The following HCRTR1 variants were observed in gnomAD, a reference collection of about 807,000 sequenced individuals.
HCRTR1 encodes orexin/Hypocretin receptor type 1.
In HCRTR1, 28 loss-of-function variants were observed where a neutral mutation model predicts 40.6. The ratio of observed to expected loss-of-function variants is 0.69; its 90% confidence interval spans 0.51 to 0.95. HCRTR1 has a LOEUF of 0.95. Among genes scored for constraint, HCRTR1 ranks in the 40% least tolerant of loss-of-function variants. The pLI is 0.00. For missense variants in HCRTR1, 482 were observed against 564.7 expected (o/e 0.85, Z 1.48); for synonymous variants, 209 against 230.0 (o/e 0.91, Z 0.83).
downstream of HCRTR1, among the ~76,000 whole-genome samples, chr1:31,633,920 A>C (rs1314520541): frequency 6.6e-6 from 1 of 151,074 alleles, no homozygotes; most frequent in Non-Finnish European, 1.5e-5. Context: ...ACGCCATTGC[A>C]CTCCAGCCTG....
At chr1:31,628,379 G>C (rs575899119), downstream of HCRTR1, among the ~76,000 whole-genome samples, 4 of 152,320 alleles carry the variant, frequency 2.6e-5, no homozygotes, top group African/African-American at 7.2e-5. Context: ...CTGTGGACGG[G>C]GCAGAGCTCT....
intron 5 of HCRTR1, 28 bp from the exon 6 acceptor site, chr1:31,621,449 C>A: frequency 6.5e-7 from 1 of 1,527,520 alleles, no homozygotes; most frequent in Non-Finnish European, 9.1e-7. Context: ...CGGATTGGGC[C>A]TGACTCTGCA....
chr1:31,626,689 C>CCAA lies in HCRTR1; in HGVS notation c.1088-101_1088-100insCAA. The CCAA allele has an allele frequency of 7.2e-7, 1 of 1,389,268 alleles. No homozygotes were observed. Among genetic ancestry groups the CCAA allele is most frequent in the Admixed American group, 2.2e-5 (1 of 44,776 alleles). 86.1% of individuals were successfully genotyped at this position (1,389,268 alleles called of 1,614,324 possible). On this transcript the variant is annotated intron_variant, in intron 8 of 8. Coordinates refer to ENST00000403528, the MANE Select transcript of HCRTR1 (RefSeq NM_001525.3). The surrounding 1 kb of genome is among the most constrained non-coding windows in gnomAD (Gnocchi z 4.6). ...ATCCCTCCCTCCCTCCCCGCCCCCT[C>CCAA]ATAGGCAGCTTGGCTGGAGCTGCGT...
At chr1:31,618,254 G>C (rs971695702) in intron 1 of HCRTR1, 1 of 152,282 alleles carries the variant, frequency 6.6e-6, no homozygotes, top group Admixed American at 6.5e-5. Context: ...GGAGGGGCGG[G>C]GAGCTGGGCT....
rs1268579117 is a variant in HCRTR1 at position 31,623,186 on chromosome 1, C to T, written c.739-337C>T. Reference sequence around the variant, plus strand: ...TCTACTAAAAATACAAAACTTAGCCCGGTGTGGTGGCGCACACCTGTAATC... The same window carrying T: ...TCTACTAAAAATACAAAACTTAGCCTGGTGTGGTGGCGCACACCTGTAATC... On this transcript the variant is annotated intron_variant, in intron 6 of 8. Transcript: ENST00000403528. 4.0e-5 allele frequency among the ~76,000 whole-genome samples: 6 copies of T among 151,226 alleles called. No homozygotes were observed. In the South Asian group the frequency reaches 1.3e-3, roughly 32 times the overall value.
chr1:31,628,634 T>G (rs560499290), downstream of HCRTR1, among the ~76,000 whole-genome samples: 1 of 152,362 alleles, frequency 6.6e-6, no homozygotes, highest in South Asian at 2.1e-4. Flanking sequence ...CAGCAGACAC[T>G]TGGTTCAGTG....
At chr1:31,630,866 C>T (rs1353747187), downstream of HCRTR1, 1 of 1,570,076 alleles carries the variant, frequency 6.4e-7, no homozygotes, top group South Asian at 1.1e-5. Flanking sequence ...GCACACAGAC[C>T]AGACACACAA....
chr1:31,629,587 A>C (rs1173574644), downstream of HCRTR1, among the ~76,000 whole-genome samples: 1 of 152,206 alleles, frequency 6.6e-6, no homozygotes, highest in Non-Finnish European at 1.5e-5. Flanking sequence ...ATGAAGTTTG[A>C]GGTAGCTGCT....
At chr1:31,621,252 TG>T (rs1158617300) in intron 5 of HCRTR1, among the ~76,000 whole-genome samples, 166 bp downstream of exon 5, 1 of 152,120 alleles carries the variant, frequency 6.6e-6, no homozygotes, top group East Asian at 1.9e-4. Context: ...ACTCCCAGGG[TG>T]GGTGCCTCCC....
Position 31,619,119 on chromosome 1 carries a change from A to C in HCRTR1, c.-74A>C. ...CAGGCACCCTGAAGGGAGTGGGCTG[A>C]GGGCTGGCCCAAGCTCCCTCCTCTC... On this transcript the variant is annotated 5_prime_UTR_variant, in exon 3 of 9. Coordinates refer to ENST00000403528, the MANE Select transcript of HCRTR1 (RefSeq NM_001525.3). The C allele has an allele frequency of 7.4e-7, 1 of 1,354,320 alleles. No individual in the cohort carries two copies. Among genetic ancestry groups the C allele is most frequent in the Admixed American group, 2.0e-5 (1 of 51,190 alleles). 83.9% of individuals were successfully genotyped at this position (1,354,320 alleles called of 1,614,324 possible). A position where few individuals can be genotyped will look rare whatever the true frequency, so the allele number is the denominator to read the frequency against.
At chr1:31,621,207 C>A in intron 5 of HCRTR1, 121 bp downstream of exon 5, 1 of 1,344,346 alleles carries the variant, frequency 7.4e-7, no homozygotes, top group Non-Finnish European at 1.0e-6. Flanking sequence ...AGGTATTTCC[C>A]TAGGGGACAC....
Position 31,623,620 on chromosome 1 carries a change from G to A in HCRTR1, c.836G>A (p.Arg279Gln), listed in dbSNP as rs7516785. 4.0e-3 allele frequency: 6,519 copies of A among 1,613,850 alleles called. 231 individuals carry two copies. The African/African-American group carries it at 0.076, about 19-fold the overall frequency. ...GGCCTGAGTGGAGAGCCCCAGCCCC[G>A]GGCCCGCGCCTTCCTGGCTGAAGTG... ...EQGLSGEPQP[R>Q]ARAFLAEVKQ... The change falls in exon 7 of 9, where the codon CGG (arginine) becomes CAG (glutamine). Residue 279 changes from arginine to glutamine, a missense_variant. Coordinates refer to ENST00000403528, the MANE Select transcript of HCRTR1 (RefSeq NM_001525.3).
Position 31,627,177 on chromosome 1 carries a change from A to G in HCRTR1, c.*197A>G, listed in dbSNP as rs1230272643. On this transcript the variant is annotated 3_prime_UTR_variant, in exon 9 of 9. Transcript: ENST00000403528. ...GGATTAAGCATGCTGAAGCAAGTGG[A>G]AAGCTCCTTGTAAACTGTGAAGTGT... The G allele has an allele frequency of 2.1e-6, 3 of 1,454,000 alleles. No homozygotes were observed. The highest frequency in any genetic ancestry group is 1.4e-5 in the South Asian group (1 of 73,610). 90.1% of individuals were successfully genotyped at this position (1,454,000 alleles called of 1,614,324 possible).
chr1:31,623,445 T>C, intron 6 of HCRTR1, 78 bp from the exon 7 acceptor site: 1 of 1,271,840 alleles, frequency 7.9e-7, no homozygotes, highest in Non-Finnish European at 1.1e-6. Flanking sequence ...GGGTCCAGCC[T>C]GGAGTAGGCC....
chr1:31,633,059 A>G, downstream of HCRTR1: 1 of 1,379,832 alleles, frequency 7.2e-7, no homozygotes, highest in Non-Finnish European at 9.9e-7. Context: ...CTGGTCAATG[A>G]ATTTCTCTTC....
chr1:31,627,932 T>C (rs192467703), downstream of HCRTR1, among the ~76,000 whole-genome samples: 1 of 152,354 alleles, frequency 6.6e-6, no homozygotes, highest in East Asian at 1.9e-4. Flanking sequence ...TTTACTGTTA[T>C]CTTCATCTTC....
rs1216784148 is a variant in HCRTR1, at chr1:31,626,698, C to G, written c.1088-92C>G. 6 of 1,444,120 alleles carry G rather than the reference C, an allele frequency of 4.2e-6. No homozygotes were observed. The highest frequency in any genetic ancestry group is 5.6e-6 in the Non-Finnish European group (6 of 1,078,348). 89.5% of individuals were successfully genotyped at this position (1,444,120 alleles called of 1,614,324 possible). A position where few individuals can be genotyped will look rare whatever the true frequency, so the allele number is the denominator to read the frequency against. ...TCCCTCCCCGCCCCCTCATAGGCAGCTTGGCTGGAGCTGCGTGGGTGTCCC... is the reference window on the plus strand; with the variant it reads ...TCCCTCCCCGCCCCCTCATAGGCAGGTTGGCTGGAGCTGCGTGGGTGTCCC... On this transcript the variant is annotated intron_variant, in intron 8 of 8. Coordinates refer to ENST00000403528, the MANE Select transcript of HCRTR1 (RefSeq NM_001525.3). This position sits in a 1 kb window ranked among gnomAD's most constrained non-coding sequence, Gnocchi z 4.6.
Position 31,621,106 on chromosome 1 carries a change from GC to G in HCRTR1, c.622+21del. On this transcript the variant is annotated intron_variant, in intron 5 of 8. Coordinates refer to ENST00000403528, the MANE Select transcript of HCRTR1 (RefSeq NM_001525.3). ...GGGCAGGTAATGGTGGAAGCCTCAA[GC>G]AGGCATCCCCTCAGGTGGGCACTTT... The G allele has an allele frequency of 1.9e-6, 3 of 1,593,258 alleles. No individual in the cohort carries two copies. The highest frequency in any genetic ancestry group is 2.6e-6 in the Non-Finnish European group (3 of 1,173,420).
intron 5 of HCRTR1, 129 bp from the exon 6 acceptor site, chr1:31,621,348 G>C (rs1639851832): frequency 1.2e-6 from 1 of 836,282 alleles, no homozygotes; most frequent in Non-Finnish European, 2.0e-6. Flanking sequence ...TGTCTGTCAT[G>C]GTGGCTGTAT....
Sources: allele counts gnomAD v4.1 joint callset (sites outside exome capture counted in the v4.1 genomes callset), GRCh38; gene constraint gnomAD v4.1.1; non-coding constraint Gnocchi (gnomAD v3.1); transcripts MANE v1.5; gene names NCBI Gene and HGNC (gene_info 2026-07-23, HGNC 2026-07-21).